ZNF79: variants seen among roughly 807,000 people sequenced by gnomAD.
The protein encoded by ZNF79 is zinc finger protein 79.
ZNF79 carries 13 observed loss-of-function variants against 14.9 expected under a neutral mutation model. The ratio of observed to expected loss-of-function variants is 0.87; its 90% CI spans 0.57 to 1.38. ZNF79 has a LOEUF of 1.38. ZNF79 is among the 40% of genes most tolerant of loss of function. The probability of loss-of-function intolerance (pLI) is 0.00; values close to 1 mark genes in which losing one functional copy is unlikely to be tolerated. For synonymous variants in ZNF79, 223 were observed against 235.1 expected (o/e 0.95, Z 0.47); for missense variants, 631 against 630.6 (o/e 1.00, Z -0.01).
chr9:127,436,919 C>T (rs985579241), intron 4 of ZNF79, among the ~76,000 whole-genome samples: 2 of 152,092 alleles, frequency 1.3e-5, no homozygotes, highest in East Asian at 1.9e-4. Flanking sequence ...ATCAGCTGGG[C>T]GTGGTGGCGG....
chr9:127,428,580 C>T lies in ZNF79; in HGVS notation c.17-252C>T, dbSNP rs559932620. On this transcript the variant is annotated intron_variant, in intron 1 of 4. Coordinates refer to ENST00000342483, the MANE Select transcript of ZNF79 (RefSeq NM_007135.3). ...AGAAAAATGAGACTTAGAGAGGTTA[C>T]GTGATTTGCACACTGCTGCTGAGTG... 1.4e-5 allele frequency: 13 copies of T among 962,850 alleles called. No individual in the cohort carries two copies. In the African/African-American group the frequency reaches 1.4e-4, roughly 10 times the overall value. The allele number at this position is 962,850 out of a possible 1,614,324, so 59.6% of individuals were successfully genotyped here.
intron 2 of ZNF79, among the ~76,000 whole-genome samples, chr9:127,432,565 T>C (rs1265551360): frequency 6.6e-6 from 1 of 152,074 alleles, no homozygotes; most frequent in Non-Finnish European, 1.5e-5. Context: ...AAATTATTAT[T>C]TTGCTTTCTT....
chr9:127,429,910 A>T (rs565460572), intron 2 of ZNF79, among the ~76,000 whole-genome samples: 13 of 150,020 alleles, frequency 8.7e-5, no homozygotes, highest in Non-Finnish European at 1.6e-4. Context: ...TCCACCTCCC[A>T]GGTTCAAGCG....
intron 2 of ZNF79, among the ~76,000 whole-genome samples, chr9:127,429,261 C>T (rs1833817282): frequency 6.6e-6 from 1 of 152,068 alleles, no homozygotes; most frequent in African/African-American, 2.4e-5. Flanking sequence ...ACTGATCTGC[C>T]CGACTTGGCC....
At chr9:127,432,427 G>A (rs557774943) in intron 2 of ZNF79, among the ~76,000 whole-genome samples, 1 of 152,140 alleles carries the variant, frequency 6.6e-6, no homozygotes, top group South Asian at 2.1e-4. Flanking sequence ...TGGGATTACA[G>A]GCGTGAGCCA....
At chr9:127,433,874 C>T (rs1461935577) in intron 2 of ZNF79, among the ~76,000 whole-genome samples, 1 of 152,194 alleles carries the variant, frequency 6.6e-6, no homozygotes, top group East Asian at 1.9e-4. Flanking sequence ...TCTGGCCTTG[C>T]ATCTAGTCCC....
chr9:127,435,854 TG>T, intron 3 of ZNF79, 53 bp from the exon 4 acceptor site: 1 of 1,437,458 alleles, frequency 7.0e-7, no homozygotes, highest in Non-Finnish European at 9.8e-7. Context: ...GAGTTCTGGG[TG>T]GCTGTTCATA....
chr9:127,445,053 T>C lies in ZNF79; in HGVS notation c.1353T>C (p.Gly451=), dbSNP rs1308573237. Residue 451 remains glycine, a synonymous_variant, in exon 5 of 5, where the codon GGT becomes GGC. Coordinates refer to ENST00000342483, the MANE Select transcript of ZNF79 (RefSeq NM_007135.3). ...GEKPYECNEC[G]KAFNQSSSLS... ...AACCTTATGAGTGTAATGAGTGTGGTAAAGCGTTTAACCAGAGCTCATCCC... is the reference window on the plus strand; with the variant it reads ...AACCTTATGAGTGTAATGAGTGTGGCAAAGCGTTTAACCAGAGCTCATCCC... The C allele has an allele frequency of 1.9e-6, 3 of 1,612,568 alleles. No individual in the cohort carries two copies. In the Admixed American group the frequency reaches 5.0e-5, roughly 27 times the overall value.
intron 1 of ZNF79, among the ~76,000 whole-genome samples, chr9:127,425,246 G>C (rs926091350): frequency 5.9e-5 from 9 of 152,190 alleles, no homozygotes; most frequent in Non-Finnish European, 1.0e-4. Context: ...TGGAGGACAG[G>C]GGAATTTGCA....
chr9:127,444,573 T>G lies in ZNF79; in HGVS notation c.873T>G (p.Ala291=). 3 of 1,612,182 alleles carry G rather than the reference T, an allele frequency of 1.9e-6. No individual in the cohort carries two copies. The highest frequency in any genetic ancestry group is 2.5e-6 in the Non-Finnish European group (3 of 1,179,558). The part of the protein sequence containing the change: ...ECEKAFSDCS[A]LVQHQRIHTG... ...AGAAAGCCTTCAGTGACTGCTCAGC[T>G]CTTGTTCAGCATCAGAGAATTCATA... Residue 291 remains alanine (A), a synonymous_variant, in exon 5 of 5, where the codon GCT becomes GCG. Transcript: ENST00000342483.
At chr9:127,436,613 C>A (rs1833952264) in intron 4 of ZNF79, among the ~76,000 whole-genome samples, 1 of 152,274 alleles carries the variant, frequency 6.6e-6, no homozygotes, top group Non-Finnish European at 1.5e-5. Flanking sequence ...CCCCTAATCT[C>A]TCTCAGCCTC....
At chr9:127,442,550 C>A (rs545633741) in intron 4 of ZNF79, among the ~76,000 whole-genome samples, 1 of 152,184 alleles carries the variant, frequency 6.6e-6, no homozygotes, top group Non-Finnish European at 1.5e-5. Context: ...AGGCCGAGGG[C>A]ATTGCTGTAC....
rs201793079 is a variant in ZNF79, at chr9:127,445,021, G to A, written c.1321G>A (p.Gly441Arg). Residue 441 changes from glycine (G) to arginine (R), a missense_variant, in exon 5 of 5, where the codon GGA becomes AGA. By Grantham distance (125) the Gly-to-Arg change is moderately radical. Coordinates refer to ENST00000342483, the MANE Select transcript of ZNF79 (RefSeq NM_007135.3). ...CATTCGGCATCATATAATCCACACC[G>A]GAGAAAAACCTTATGAGTGTAATGA... ...ALIRHHIIHT[G>R]EKPYECNECG... 1.1e-5 allele frequency: 18 copies of A among 1,614,132 alleles called. No individual in the cohort carries two copies. In the Middle Eastern group the frequency reaches 6.6e-4, roughly 59 times the overall value.
chr9:127,428,647 C>T, intron 1 of ZNF79, 185 bp from the exon 2 acceptor site: 1 of 1,221,288 alleles, frequency 8.2e-7, no homozygotes. Context: ...ACTCTAATGC[C>T]TCCCTACATC....
rs749508122 is a variant in ZNF79 at position 127,445,122 on chromosome 9, A to T, written c.1422A>T (p.Glu474Asp). 1 of 1,603,300 alleles carries T rather than the reference A, an allele frequency of 6.2e-7. No individual in the cohort carries two copies. Among genetic ancestry groups the T allele is most frequent in the South Asian group, 1.1e-5 (1 of 90,274 alleles). The change falls in exon 5 of 5, where the codon GAA becomes GAT. Residue 474 changes from glutamate (E) to aspartate (D), a missense_variant. Physicochemically the swap from Glu to Asp is conservative, Grantham distance 45. Coordinates refer to ENST00000342483, the MANE Select transcript of ZNF79 (RefSeq NM_007135.3). ...QRIHTGVKPYECSECGKAFRC... is the reference protein window; with the variant it reads ...QRIHTGVKPYDCSECGKAFRC... ...TCCACACAGGCGTGAAACCCTACGA[A>T]TGCAGCGAGTGTGGGAAGGCCTTCC...
intron 4 of ZNF79, among the ~76,000 whole-genome samples, chr9:127,436,598 T>C (rs1833951940): frequency 6.6e-6 from 1 of 152,222 alleles, no homozygotes; most frequent in Admixed American, 6.5e-5. Flanking sequence ...GTACAGCTGC[T>C]CTCTCCCCTA....
At chr9:127,439,473 A>G (rs533928720) in intron 4 of ZNF79, among the ~76,000 whole-genome samples, 1 of 152,306 alleles carries the variant, frequency 6.6e-6, no homozygotes, top group South Asian at 2.1e-4. Flanking sequence ...CACTCTAGCT[A>G]TTAGAGGAGT....
intron 1 of ZNF79, among the ~76,000 whole-genome samples, chr9:127,427,602 C>T (rs1022064883): frequency 7.1e-6 from 1 of 140,464 alleles, no homozygotes; most frequent in Non-Finnish European, 1.5e-5. Flanking sequence ...AGCGTAATGG[C>T]GTGATCTCAG....
At position 127,440,746 on chromosome 9, in the gene ZNF79, A is replaced by G. The variant is rs1385343138; in HGVS notation, c.329-3283A>G. 2.6e-5 allele frequency among the ~76,000 whole-genome samples: 4 copies of G among 152,226 alleles called. No homozygotes were observed. In the East Asian group the frequency reaches 7.7e-4, roughly 29 times the overall value. On this transcript the variant is annotated intron_variant, in intron 4 of 4. Transcript: ENST00000342483. ...CTTGCAGACATGGGAATGTGAGGTG[A>G]TGGTGGCCTGTAAGAGAGGGGTCAG... is the stretch of plus-strand genomic sequence containing the variant.
Sources: allele counts gnomAD v4.1 joint callset (sites outside exome capture counted in the v4.1 genomes callset), GRCh38; gene constraint gnomAD v4.1.1; transcripts MANE v1.5; gene names NCBI Gene and HGNC (gene_info 2026-07-23, HGNC 2026-07-21).